The following ANXA10 variants were observed in gnomAD, a reference collection of about 807,000 sequenced individuals.
ANXA10 encodes annexin 14.
In ANXA10, 49 loss-of-function variants were observed where a neutral mutation model predicts 53.5. The ratio of observed to expected loss-of-function variants is 0.92; its 90% confidence interval spans 0.73 to 1.16. ANXA10 has a LOEUF of 1.16. Ranked by LOEUF, ANXA10 falls within the 50% of genes most tolerant of loss-of-function variation. The pLI is 0.00. For missense variants in ANXA10, 393 were observed against 394.4 expected (o/e 1.00, Z 0.03); for synonymous variants, 131 against 128.9 (o/e 1.02, Z -0.11).
chr4:168,162,369 A>G (rs1326192107), intron 3 of ANXA10, among the ~76,000 whole-genome samples, 159 bp from the exon 4 acceptor site: 2 of 152,214 alleles, frequency 1.3e-5, no homozygotes, highest in African/African-American at 2.4e-5. Context: ...CAAGTTCATC[A>G]TCTCATGTAA....
At chr4:168,136,594 C>T (rs1306720724) in intron 2 of ANXA10, among the ~76,000 whole-genome samples, 2 of 152,208 alleles carry the variant, frequency 1.3e-5, no homozygotes, top group Admixed American at 1.3e-4. Context: ...ATCCAGGCCA[C>T]ACTGATGCAA....
intron 3 of ANXA10, among the ~76,000 whole-genome samples, chr4:168,156,057 TATATATC>T (rs1397087998): frequency 2.6e-5 from 2 of 75,848 alleles, no homozygotes; most frequent in East Asian, 4.2e-4. Flanking sequence ...TATTATATAT[TATATATC>T]ATATATTATA....
chr4:168,122,963 G>C (rs1046178821), intron 1 of ANXA10, among the ~76,000 whole-genome samples: 5 of 152,238 alleles, frequency 3.3e-5, no homozygotes, highest in African/African-American at 9.6e-5. Context: ...AATCCTGCCA[G>C]TCTATTGAAA....
At chr4:168,155,551 T>C (rs1225197385) in intron 3 of ANXA10, among the ~76,000 whole-genome samples, 2 of 63,590 alleles carry the variant, frequency 3.1e-5, no homozygotes, top group Non-Finnish European at 5.3e-5. Context: ...TATTATAAAA[T>C]ATATAATTAT....
intron 3 of ANXA10, among the ~76,000 whole-genome samples, chr4:168,148,148 G>T (rs1316548594): frequency 6.6e-6 from 1 of 151,592 alleles, no homozygotes; most frequent in Non-Finnish European, 1.5e-5. Context: ...TCCTTTGAGT[G>T]AATTGGGTTT....
intron 10 of ANXA10, among the ~76,000 whole-genome samples, chr4:168,182,318 A>ATTTTTT (rs542260478): frequency 0.053 from 2,648 of 49,734 alleles, 754 homozygotes; most frequent in South Asian, 0.071. Context: ...TGGAGCATTA[A>ATTTTTT]TTTTTTTTTT....
intron 1 of ANXA10, among the ~76,000 whole-genome samples, chr4:168,112,761 C>T (rs1456845451): frequency 6.6e-6 from 1 of 152,110 alleles, no homozygotes; most frequent in Non-Finnish European, 1.5e-5. Flanking sequence ...TGGCTCATGC[C>T]TGTAATCCCA....
chr4:168,140,666 T>C (rs1366563387), intron 3 of ANXA10, among the ~76,000 whole-genome samples: 1 of 152,066 alleles, frequency 6.6e-6, no homozygotes, highest in Non-Finnish European at 1.5e-5. Context: ...TTGTCCAAGC[T>C]GGAGTGCAAT....
At position 168,184,552 on chromosome 4, in the gene ANXA10, C is replaced by T. The variant is rs1732325747; in HGVS notation, c.784-7C>T. 2 of 1,613,658 alleles carry T rather than the reference C, an allele frequency of 1.2e-6. No homozygotes were observed. The highest frequency in any genetic ancestry group is 2.2e-5 in the South Asian group (2 of 91,062). On this transcript the variant is annotated splice_region_variant and splice_polypyrimidine_tract_variant and intron_variant, in intron 10 of 11. Transcript: ENST00000359299. ...TCTCATTTCTCCCACTTTTCTGTAT[C>T]TTTTAGGACTTTGGTTTCCATAATA...
At position 168,175,883 on chromosome 4, in the gene ANXA10, T is replaced by C. The variant is rs1489465227; in HGVS notation, c.481-1857T>C. 4.6e-5 allele frequency among the ~76,000 whole-genome samples: 7 copies of C among 152,204 alleles called. No individual in the cohort carries two copies. The East Asian group carries it at 9.6e-4, about 21-fold the overall frequency. ...GCTTACTTATTTCTTTGTGAATAAA[T>C]TGCACTTTCTCATATGCCTCTAGCT... On this transcript the variant is annotated intron_variant, in intron 6 of 11. Transcript: ENST00000359299.
chr4:168,093,304 G>C (rs1346620662), intron 1 of ANXA10, among the ~76,000 whole-genome samples: 1 of 109,888 alleles, frequency 9.1e-6, no homozygotes, highest in African/African-American at 3.0e-5. Context: ...CTGTTGAATA[G>C]AAGCAATGTA....
rs75612556 is a variant in ANXA10, at chr4:168,166,505, A to C, written c.480+1179A>C. ...GCCTGTTATCCTATTTAACAAAGGC[A>C]CTCAGGAATGCAAAGAGAAAGAGGG... On this transcript the variant is annotated intron_variant, in intron 6 of 11. Coordinates refer to ENST00000359299, the MANE Select transcript of ANXA10 (RefSeq NM_007193.5). Among the ~76,000 whole-genome samples, 982 of 152,276 alleles carry C rather than the reference A, an allele frequency of 6.4e-3. 9 individuals are homozygous for C. The highest frequency in any genetic ancestry group is 0.022 in the African/African-American group (929 of 41,546).
At chr4:168,101,153 G>GAT (rs1730632236) in intron 1 of ANXA10, among the ~76,000 whole-genome samples, 1 of 151,986 alleles carries the variant, frequency 6.6e-6, no homozygotes, top group Admixed American at 6.6e-5. Context: ...GTTCTTGCAA[G>GAT]ATCTGGTTGC....
At chr4:168,118,613 T>G (rs949487483) in intron 1 of ANXA10, among the ~76,000 whole-genome samples, 2 of 152,154 alleles carry the variant, frequency 1.3e-5, no homozygotes, top group African/African-American at 4.8e-5. Flanking sequence ...TGGCTGGTAT[T>G]TTGCTCAAAA....
At chr4:168,183,635 G>A (rs1430111512) in intron 10 of ANXA10, among the ~76,000 whole-genome samples, 1 of 152,206 alleles carries the variant, frequency 6.6e-6, no homozygotes, top group East Asian at 1.9e-4. Context: ...TAGGTACGGA[G>A]AAGGATTGTA....
intron 1 of ANXA10, among the ~76,000 whole-genome samples, chr4:168,104,478 C>T (rs1730687660): frequency 6.6e-6 from 1 of 151,732 alleles, no homozygotes; most frequent in Non-Finnish European, 1.5e-5. Context: ...TTATTTCTTC[C>T]TTAAATGGTT....
chr4:168,155,432 TATATATAATTATGAATTATATATTTTATA>T lies in ANXA10; in HGVS notation c.196-7083_196-7055del, dbSNP rs1246796386. Among the ~76,000 whole-genome samples, 53 of 67,216 alleles carry T rather than the reference TATATATAATTATGAATTATATATTTTATA, an allele frequency of 7.9e-4. 7 individuals carry two copies. The highest frequency in any genetic ancestry group is 1.8e-3 in the African/African-American group (27 of 14,738). The allele number at this position is 67,216 out of a possible 152,430, so 44.1% of individuals were successfully genotyped here. The stretch of plus-strand genomic sequence containing the variant: ...TATTATACATTATATTATATATAAT[TATATATAATTATGAATTATATATTTTATA>T]ATATATAATTATAAATTATATATTA... On this transcript the variant is annotated intron_variant, in intron 3 of 11. Coordinates refer to ENST00000359299, the MANE Select transcript of ANXA10 (RefSeq NM_007193.5).
chr4:168,130,940 A>T (rs546705919), intron 2 of ANXA10, among the ~76,000 whole-genome samples: 61 of 151,806 alleles, frequency 4.0e-4, no homozygotes, highest in Non-Finnish European at 8.1e-4. Flanking sequence ...CCCCCAAAAA[A>T]AACCAGCTTT....
chr4:168,178,175 T>C, intron 8 of ANXA10, 192 bp downstream of exon 8: 7 of 551,522 alleles, frequency 1.3e-5, no homozygotes, highest in Non-Finnish European at 1.9e-5. Flanking sequence ...AATATTTCCT[T>C]AATATTTTTT....
Sources: gnomAD v4.1 joint callset for allele counts (sites outside exome capture counted in the v4.1 genomes callset) on GRCh38, gnomAD v4.1.1 for gene constraint, MANE v1.5 for transcripts, NCBI Gene and HGNC (gene_info 2026-07-23, HGNC 2026-07-21) for gene names.